Variants in MYCBP observed in about 807,000 individuals in gnomAD.
MYCBP encodes C-Myc-binding protein.
Under a neutral mutation model 16.8 loss-of-function variants are expected in MYCBP, and 5 were observed. The ratio of observed to expected loss-of-function variants is 0.30; its 90% CI spans 0.16 to 0.63. The LOEUF (loss-of-function observed/expected upper bound fraction) is 0.63. Ranked by LOEUF, MYCBP falls within the 20% of genes least tolerant of loss-of-function variation. MYCBP has a pLI of 0.83. For synonymous variants in MYCBP, 35 were observed against 43.7 expected (o/e 0.80, Z 0.79); for missense variants, 103 against 121.8 (o/e 0.85, Z 0.73).
At position 38,863,322 on chromosome 1, in the gene MYCBP, G is replaced by A. The variant is rs1642277470; in HGVS notation, c.*1348C>T. On this transcript the variant is annotated 3_prime_UTR_variant, in exon 5 of 5. Transcript: ENST00000397572. ...AAACCAGTTTTCATTGGATCATTTT[G>A]TTTTCTATGTGTGTTTTGACCAAAA... 6.6e-6 allele frequency: 1 copy of A among 152,092 alleles called. No individual in the cohort carries two copies. Among genetic ancestry groups the A allele is most frequent in the Admixed American group, 6.6e-5 (1 of 15,264 alleles). The allele number at this position is 152,092 out of a possible 1,614,324, so 9.4% of individuals were successfully genotyped here.
intron 3 of MYCBP, 144 bp downstream of exon 3, chr1:38,867,418 C>T (rs1570883621): frequency 4.3e-6 from 3 of 693,262 alleles, no homozygotes; most frequent in Non-Finnish European, 2.4e-6. Context: ...CTGCATTCCC[C>T]ACCAGGTGAC....
chr1:38,863,709 C>T lies in MYCBP; in HGVS notation c.*961G>A, dbSNP rs925572247. On this transcript the variant is annotated 3_prime_UTR_variant, in exon 5 of 5. Transcript: ENST00000397572. Reference sequence around the variant, plus strand: ...AGTCTTTGGCCTAAAAATTCAGCACCCCTCTTCCCCTTATACTTGTCCCAC... The same window carrying T: ...AGTCTTTGGCCTAAAAATTCAGCACTCCTCTTCCCCTTATACTTGTCCCAC... 6.6e-6 allele frequency: 1 copy of T among 152,562 alleles called. No homozygotes were observed. Among genetic ancestry groups the T allele is most frequent in the African/African-American group, 2.4e-5 (1 of 41,426 alleles). The allele number at this position is 152,562 out of a possible 1,614,324, so 9.5% of individuals were successfully genotyped here. A position where few individuals can be genotyped will look rare whatever the true frequency, so the allele number is the denominator to read the frequency against.
intron 2 of MYCBP, 25 bp from the exon 3 acceptor site, chr1:38,867,635 C>T: frequency 1.2e-6 from 2 of 1,607,026 alleles, no homozygotes. Flanking sequence ...GCAGAAAAAG[C>T]AACAATTGAC....
At chr1:38,866,578 GGC>G (rs1557593838) in intron 4 of MYCBP, among the ~76,000 whole-genome samples, 1 of 151,872 alleles carries the variant, frequency 6.6e-6, no homozygotes, top group Non-Finnish European at 1.5e-5. Context: ...CACCATGCCC[GGC>G]TAATTTTTGT....
chr1:38,872,360 A>C (rs1220901904), intron 2 of MYCBP, among the ~76,000 whole-genome samples: 1 of 152,208 alleles, frequency 6.6e-6, no homozygotes, highest in Non-Finnish European at 1.5e-5. Context: ...TCATCTACTT[A>C]ACTTAGATCT....
chr1:38,863,542 TC>T lies in MYCBP; in HGVS notation c.*1127del, dbSNP rs1642281180. 6.6e-6 allele frequency: 1 copy of T among 152,552 alleles called. No homozygotes were observed. Among genetic ancestry groups the T allele is most frequent in the Non-Finnish European group, 1.5e-5 (1 of 68,030 alleles). The allele number at this position is 152,552 out of a possible 1,614,324, so 9.4% of individuals were successfully genotyped here. A position where few individuals can be genotyped will look rare whatever the true frequency, so the allele number is the denominator to read the frequency against. On this transcript the variant is annotated 3_prime_UTR_variant, in exon 5 of 5. Coordinates refer to ENST00000397572, the MANE Select transcript of MYCBP (RefSeq NM_012333.5). ...CCATTTACAAATCTTTCACATACAT[TC>T]TCATTTGACCCTCACAACAACCCTG...
rs2124245897 is a variant in MYCBP at position 38,863,102 on chromosome 1, C to T, written c.*1568G>A. 6.6e-6 allele frequency: 1 copy of T among 152,322 alleles called. No homozygotes were observed. 9.4% of individuals were successfully genotyped at this position (152,322 alleles called of 1,614,324 possible). ...ACACCCAGCACTTAGTCCACTGCTG[C>T]CCATGTAGGAGGCACTCAAATTGGT... is the stretch of plus-strand genomic sequence containing the variant. On this transcript the variant is annotated 3_prime_UTR_variant, in exon 5 of 5. Transcript: ENST00000397572.
intron 4 of MYCBP, among the ~76,000 whole-genome samples, chr1:38,865,167 C>T (rs1413337021): frequency 6.6e-6 from 1 of 152,188 alleles, no homozygotes; most frequent in African/African-American, 2.4e-5. Flanking sequence ...AGTTAACTAG[C>T]ACTACACATT....
At chr1:38,865,946 A>G (rs1642325769) in intron 4 of MYCBP, among the ~76,000 whole-genome samples, 2 of 152,188 alleles carry the variant, frequency 1.3e-5, no homozygotes, top group Non-Finnish European at 2.9e-5. Context: ...TGGCCTACTT[A>G]AAATCAACTG....
At chr1:38,868,863 G>A (rs1642396892) in intron 2 of MYCBP, among the ~76,000 whole-genome samples, 1 of 152,008 alleles carries the variant, frequency 6.6e-6, no homozygotes, top group Non-Finnish European at 1.5e-5. Context: ...CCGAGATCGT[G>A]CCACTGCACT....
chr1:38,871,175 G>A (rs1221924464), intron 2 of MYCBP, among the ~76,000 whole-genome samples: 1 of 152,176 alleles, frequency 6.6e-6, no homozygotes, highest in Admixed American at 6.5e-5. Context: ...CGGAGGTGGA[G>A]GTTGCAGTGA....
chr1:38,870,358 T>TG (rs1642435728), intron 2 of MYCBP, among the ~76,000 whole-genome samples: 1 of 151,388 alleles, frequency 6.6e-6, no homozygotes, highest in South Asian at 2.1e-4. Context: ...AATATATATA[T>TG]GTAAATTAAA....
intron 2 of MYCBP, among the ~76,000 whole-genome samples, chr1:38,870,809 A>AC (rs1327113132): frequency 1.4e-4 from 20 of 143,136 alleles, no homozygotes; most frequent in African/African-American, 5.5e-4. Flanking sequence ...CAAAAAAAAA[A>AC]AAAAAAAAAA....
In MYCBP at chr1:38,867,619, CA is replaced by C; in HGVS notation, c.89-10del. 2 of 1,612,938 alleles carry C rather than the reference CA, an allele frequency of 1.2e-6. No homozygotes were observed. The highest frequency in any genetic ancestry group is 1.7e-6 in the Non-Finnish European group (2 of 1,179,426). The stretch of plus-strand genomic sequence containing the variant: ...ATATAAGGCTACCAACACTGCAAAT[CA>C]AAAAGCAGAAAAAGCAACAATTGAC... On this transcript the variant is annotated splice_polypyrimidine_tract_variant and intron_variant, in intron 2 of 4. Transcript: ENST00000397572.
chr1:38,866,458 C>T (rs759661457), intron 4 of MYCBP, among the ~76,000 whole-genome samples: 53 of 151,614 alleles, frequency 3.5e-4, no homozygotes, highest in Non-Finnish European at 6.5e-4. Flanking sequence ...GTTCTGTCAC[C>T]CAGGCTGGAG....
rs1642367855 is a variant in MYCBP at position 38,867,584 on chromosome 1, C to T, written c.115G>A (p.Glu39Lys). ...KVLVALYEEPEKPNSALDFLK... is the reference protein window; with the variant it reads ...KVLVALYEEPKKPNSALDFLK... The stretch of plus-strand genomic sequence containing the variant: ...TACTCCAAAGCACTGTTAGGTTTCT[C>T]TGGTTCTTCATATAAGGCTACCAAC... The change falls in exon 3 of 5, where the codon GAG (glutamate) becomes AAG (lysine). Residue 39 changes from glutamate (E) to lysine (K), a missense_variant. Glu to Lys is a moderately conservative substitution (Grantham distance 56). Transcript: ENST00000397572. The T allele has an allele frequency of 1.7e-5, 27 of 1,613,758 alleles. No individual in the cohort carries two copies. Among genetic ancestry groups the T allele is most frequent in the Non-Finnish European group, 2.3e-5 (27 of 1,179,940 alleles).
rs71057153 is a variant in MYCBP, at chr1:38,866,044, C to CTTTTTTTTTTTTTTTT, written c.267+820_267+835dup. Among the ~76,000 whole-genome samples the CTTTTTTTTTTTTTTTT allele has an allele frequency of 9.1e-4, 60 of 65,712 alleles. 14 individuals are homozygous for CTTTTTTTTTTTTTTTT. The highest frequency in any genetic ancestry group is 3.2e-3 in the African/African-American group (40 of 12,650). 43.1% of individuals were successfully genotyped at this position (65,712 alleles called of 152,430 possible). A position where few individuals can be genotyped will look rare whatever the true frequency, so the allele number is the denominator to read the frequency against. On this transcript the variant is annotated intron_variant, in intron 4 of 4. Transcript: ENST00000397572. The stretch of plus-strand genomic sequence containing the variant: ...TAGTAATACAGGTTCCTAAGAACCT[C>CTTTTTTTTTTTTTTTT]TTTTTTTTTTTTTTTTTTTTTGAGA...
In MYCBP at chr1:38,870,269, C is replaced by T. The variant is rs376388934; in HGVS notation, c.89-2659G>A. On this transcript the variant is annotated intron_variant, in intron 2 of 4. Coordinates refer to ENST00000397572, the MANE Select transcript of MYCBP (RefSeq NM_012333.5). ...GCCTGAGGTGGGAGAATTGCTTGAA[C>T]CTGGGAGATTAAGACTGCACTGAGA... Among the ~76,000 whole-genome samples, 2 of 151,638 alleles carry T rather than the reference C, an allele frequency of 1.3e-5. 1 individual carries two copies. Among genetic ancestry groups the T allele is most frequent in the East Asian group, 3.9e-4 (2 of 5,172 alleles).
At chr1:38,871,637 T>TC (rs1642470442) in intron 2 of MYCBP, among the ~76,000 whole-genome samples, 1 of 101,580 alleles carries the variant, frequency 9.8e-6, no homozygotes, top group African/African-American at 2.6e-5. Context: ...GGTCTTGAGC[T>TC]CCTGGCCTCT....
Sources: allele counts gnomAD v4.1 joint callset (sites outside exome capture counted in the v4.1 genomes callset), GRCh38; gene constraint gnomAD v4.1.1; transcripts MANE v1.5; gene names NCBI Gene and HGNC (gene_info 2026-07-23, HGNC 2026-07-21).